NUP85: variants seen among roughly 807,000 people sequenced by gnomAD.
NUP85 encodes nuclear pore complex protein Nup85.
NUP85 carries 23 observed loss-of-function variants against 92.8 expected under a neutral mutation model. The observed-to-expected ratio is 0.25, with a 90% confidence interval of 0.18 to 0.35. NUP85 has a LOEUF of 0.35. Ranked by LOEUF, NUP85 falls within the 10% of genes least tolerant of loss-of-function variation. NUP85 has a pLI of 1.00. For synonymous variants in NUP85, 314 were observed against 306.9 expected (o/e 1.02, Z -0.24); for missense variants, 759 against 822.8 (o/e 0.92, Z 0.95).
Position 75,233,172 on chromosome 17 carries a change from T to A in NUP85, c.1615+14T>A. On this transcript the variant is annotated intron_variant, in intron 16 of 18. Transcript: ENST00000245544. ...TGACATTCCTGGGTGAGTCTCTGGGTTTTGTGCCCTGTGCTTTGGGCACAA... is the reference window on the plus strand; with the variant it reads ...TGACATTCCTGGGTGAGTCTCTGGGATTTGTGCCCTGTGCTTTGGGCACAA... The A allele has an allele frequency of 6.2e-7, 1 of 1,611,884 alleles. No individual in the cohort carries two copies. The highest frequency in any genetic ancestry group is 8.5e-7 in the Non-Finnish European group (1 of 1,178,308).
At chr17:75,232,040 G>A in intron 14 of NUP85, 61 bp downstream of exon 14, 5 of 1,583,216 alleles carry the variant, frequency 3.2e-6, no homozygotes, top group Non-Finnish European at 4.3e-6. Context: ...GGATCCTGAG[G>A]TCACACTTTA....
At chr17:75,209,691 C>G (rs1003642729) in intron 2 of NUP85, 132 bp from the exon 3 acceptor site, 1 of 636,306 alleles carries the variant, frequency 1.6e-6, no homozygotes, top group Admixed American at 3.7e-5. Flanking sequence ...ATCTGCCTGC[C>G]TTGGCCTCCC....
chr17:75,213,175 C>G, intron 5 of NUP85, 56 bp downstream of exon 5: 1 of 1,553,094 alleles, frequency 6.4e-7, no homozygotes, highest in Non-Finnish European at 8.8e-7. Flanking sequence ...TCCTGGGCAC[C>G]CACCTGGGGT....
chr17:75,208,565 T>C lies in NUP85; in HGVS notation c.72T>C (p.Tyr24=), dbSNP rs1225903971. 6.2e-7 allele frequency: 1 copy of C among 1,610,028 alleles called. No homozygotes were observed. Among genetic ancestry groups the C allele is most frequent in the Non-Finnish European group, 8.5e-7 (1 of 1,176,730 alleles). ...PGVNSKKNQM[Y]FDWGPGEMLV... is the part of the protein sequence containing the mutation. ...TGAATTCCAAGAAGAACCAAATGTA[T>C]TTTGACTGGGGTCCAGGGGAGATGC... The change falls in exon 2 of 19, where the codon TAT becomes TAC. Residue 24 remains tyrosine, a synonymous_variant. Transcript: ENST00000245544.
At chr17:75,206,574 A>G (rs1428939050) in intron 1 of NUP85, among the ~76,000 whole-genome samples, 1 of 152,100 alleles carries the variant, frequency 6.6e-6, no homozygotes, top group Non-Finnish European at 1.5e-5. Flanking sequence ...TGAGGAGGCA[A>G]ATGATTACAT....
chr17:75,235,439 GCTTT>G (rs2076295120), intron 18 of NUP85, 135 bp from the exon 19 acceptor site: 1 of 643,446 alleles, frequency 1.6e-6, no homozygotes, highest in South Asian at 2.0e-5. Flanking sequence ...CTTTGGTATT[GCTTT>G]CTTTTACATC....
chr17:75,212,599 A>C (rs1277052885), intron 4 of NUP85, among the ~76,000 whole-genome samples: 1 of 150,898 alleles, frequency 6.6e-6, no homozygotes, highest in Admixed American at 6.7e-5. Context: ...CATCCTTCCA[A>C]GTAGTTGGGA....
intron 6 of NUP85, chr17:75,216,381 TCA>T (rs2075434007): frequency 6.6e-6 from 1 of 152,426 alleles, no homozygotes. Flanking sequence ...TTCTCCTGCC[TCA>T]ACCTCCTGAG....
At chr17:75,215,856 G>T in intron 6 of NUP85, 33 bp downstream of exon 6, 1 of 1,558,572 alleles carries the variant, frequency 6.4e-7, no homozygotes, top group Non-Finnish European at 8.9e-7. Context: ...TAATCTCATA[G>T]GTGTCCCCTT....
chr17:75,215,893 C>T, intron 6 of NUP85, 70 bp downstream of exon 6: 2 of 1,297,640 alleles, frequency 1.5e-6, no homozygotes, highest in South Asian at 1.2e-5. Flanking sequence ...CCTCATCTTT[C>T]CTGTGCATGG....
chr17:75,220,610 TG>T (rs1328199018), intron 7 of NUP85, among the ~76,000 whole-genome samples: 1 of 150,332 alleles, frequency 6.7e-6, no homozygotes. Flanking sequence ...TTTTTTGAGA[TG>T]GCGTCTTTCT....
chr17:75,229,576 C>G lies in NUP85; in HGVS notation c.1095-1764C>G, dbSNP rs541299068. Reference sequence around the variant, plus strand: ...AGAATCCTTCAGAGTGAGAGAGAGACAGAGTGAGAGTGGGAGTGTGTGCGT... The same window carrying G: ...AGAATCCTTCAGAGTGAGAGAGAGAGAGAGTGAGAGTGGGAGTGTGTGCGT... On this transcript the variant is annotated intron_variant, in intron 11 of 18. Coordinates refer to ENST00000245544, the MANE Select transcript of NUP85 (RefSeq NM_024844.5). 8.5e-5 allele frequency among the ~76,000 whole-genome samples: 13 copies of G among 152,114 alleles called. No homozygotes were observed. The South Asian group carries it at 1.5e-3, about 17-fold the overall frequency.
chr17:75,235,033 G>T, intron 17 of NUP85, 67 bp from the exon 18 acceptor site: 1 of 1,307,552 alleles, frequency 7.6e-7, no homozygotes, highest in Non-Finnish European at 1.1e-6. Context: ...TCCGAACATG[G>T]GCCCCTGCCC....
intron 7 of NUP85, among the ~76,000 whole-genome samples, chr17:75,220,484 G>C (rs8080700): frequency 0.92 from 138,504 of 151,364 alleles, 64,331 homozygotes; most frequent in Non-Finnish European, 1. Flanking sequence ...ACAATCACCA[G>C]TCACTGTAGC....
Position 75,231,878 on chromosome 17 carries a change from G to C in NUP85, c.1295G>C (p.Arg432Pro). The C allele has an allele frequency of 6.2e-7, 1 of 1,614,208 alleles. No homozygotes were observed. The highest frequency in any genetic ancestry group is 1.3e-5 in the African/African-American group (1 of 75,054). The change falls in exon 14 of 19, where the codon CGA becomes CCA. Residue 432 changes from arginine (R) to proline (P), a missense_variant. Arg to Pro is a moderately radical substitution (Grantham distance 103). Transcript: ENST00000245544. The surrounding 1 kb of genome is among the most constrained non-coding windows in gnomAD (Gnocchi z 4.6). ...DYFDYCPELG[R>P]VSLELHIERI... ...TTTGATTACTGCCCCGAGCTGGGCC[G>C]AGTCTCCCTGGAGCTGCACATTGAG...
At chr17:75,205,872 C>T in intron 1 of NUP85, 78 bp downstream of exon 1, 1 of 1,528,176 alleles carries the variant, frequency 6.5e-7, no homozygotes, top group Non-Finnish European at 9.0e-7. Flanking sequence ...GGCTTGTCTG[C>T]TTCCCTAGTG....
chr17:75,226,196 G>C, intron 11 of NUP85, 39 bp downstream of exon 11: 1 of 1,558,102 alleles, frequency 6.4e-7, no homozygotes, highest in Middle Eastern at 1.8e-4. Flanking sequence ...CCATTTTTAG[G>C]TGTACAAATA....
chr17:75,228,429 T>A, intron 11 of NUP85: 1 of 985,468 alleles, frequency 1.0e-6, no homozygotes, highest in Non-Finnish European at 1.2e-6. Flanking sequence ...ATCACGAGGC[T>A]ACCTCCTATC....
At chr17:75,226,763 A>G in intron 11 of NUP85, 1 of 450,560 alleles carries the variant, frequency 2.2e-6, no homozygotes, top group South Asian at 1.6e-5. Context: ...ATTTAAAATA[A>G]CATCGCGGGA....
Sources: allele counts gnomAD v4.1 joint callset (sites outside exome capture counted in the v4.1 genomes callset), GRCh38; gene constraint gnomAD v4.1.1; non-coding constraint Gnocchi (gnomAD v3.1); transcripts MANE v1.5; gene names NCBI Gene and HGNC (gene_info 2026-07-23, HGNC 2026-07-21).